The following DNAH12 variants were observed in gnomAD, a reference collection of about 807,000 sequenced individuals.
DNAH12 encodes the protein dynein axonemal heavy chain 12.
A neutral mutation model predicts 371.5 loss-of-function variants in DNAH12; 285 were observed. The observed-to-expected ratio is 0.77, with a 90% CI of 0.70 to 0.85. DNAH12 has a LOEUF of 0.85. Ranked by LOEUF, DNAH12 falls within the 40% of genes least tolerant of loss-of-function variation. The pLI, the probability that DNAH12 is intolerant of heterozygous loss-of-function variation, is 0.00. For missense variants in DNAH12, 3,611 were observed against 3,689.4 expected (o/e 0.98, Z 0.55); for synonymous variants, 1,200 against 1,213.0 (o/e 0.99, Z 0.22).
intron 62 of DNAH12, among the ~76,000 whole-genome samples, chr3:57,328,319 C>A (rs1328674165): frequency 6.6e-6 from 1 of 151,226 alleles, no homozygotes; most frequent in African/African-American, 2.4e-5. Context: ...CAATAAAATA[C>A]TGGCAAACTG....
intron 32 of DNAH12, among the ~76,000 whole-genome samples, chr3:57,430,663 GTAT>G (rs978371761): frequency 1.6e-4 from 24 of 151,954 alleles, no homozygotes; most frequent in African/African-American, 3.4e-4. Flanking sequence ...ACTTTTAATA[GTAT>G]TATTATTATT....
At chr3:57,526,373 A>C (rs1457203781) in intron 2 of DNAH12, among the ~76,000 whole-genome samples, 1 of 151,290 alleles carries the variant, frequency 6.6e-6, no homozygotes, top group Non-Finnish European at 1.5e-5. Context: ...ATATGTACCA[A>C]TTTTCTTTAT....
At chr3:57,459,167 A>G (rs946108327) in intron 20 of DNAH12, among the ~76,000 whole-genome samples, 5 of 152,230 alleles carry the variant, frequency 3.3e-5, no homozygotes, top group African/African-American at 9.6e-5. Context: ...TGGAGAGAAC[A>G]GCAGATTCTT....
At chr3:57,444,950 T>C (rs944666839) in intron 28 of DNAH12, 134 bp from the exon 29 acceptor site, 64 of 1,129,214 alleles carry the variant, frequency 5.7e-5, no homozygotes, top group Admixed American at 7.2e-5. Context: ...TACATTGCTC[T>C]CTGGAATCCC....
intron 13 of DNAH12, among the ~76,000 whole-genome samples, chr3:57,479,906 G>A (rs1163569115): frequency 2.0e-5 from 3 of 152,078 alleles, no homozygotes; most frequent in Admixed American, 2.0e-4. Flanking sequence ...GAATCTCTGG[G>A]ATACAGTCAA....
intron 49 of DNAH12, among the ~76,000 whole-genome samples, chr3:57,383,957 A>G (rs1391057263): frequency 6.6e-6 from 1 of 152,128 alleles, no homozygotes; most frequent in Non-Finnish European, 1.5e-5. Flanking sequence ...ATGCTGAATT[A>G]CCCACAGGTT....
rs528241900 is a variant in DNAH12, at chr3:57,482,671, C to A, written c.1650+705G>T. Among the ~76,000 whole-genome samples the A allele has an allele frequency of 7.6e-3, 1,161 of 152,036 alleles. 8 individuals carry two copies. The highest frequency in any genetic ancestry group is 0.011 in the Non-Finnish European group (779 of 67,970). ...ACAACAGCAAAGACTTGGAACCAAC[C>A]CAAATGTCCAACAATGATAGACTGG... is the stretch of plus-strand genomic sequence containing the variant. On this transcript the variant is annotated intron_variant, in intron 13 of 73. Transcript: ENST00000495027.
the DNAH12 span, among the ~76,000 whole-genome samples, chr3:57,552,844 C>T: frequency 6.6e-6 from 1 of 152,270 alleles, no homozygotes; most frequent in East Asian, 1.9e-4. Context: ...GTTGCCACTG[C>T]ACTCCAGCCT....
At chr3:57,415,902 C>T (rs1461431567) in intron 37 of DNAH12, among the ~76,000 whole-genome samples, 1 of 151,788 alleles carries the variant, frequency 6.6e-6, no homozygotes, top group Non-Finnish European at 1.5e-5. Context: ...AACCCCCCTG[C>T]CTCAGCCTCC....
Position 57,444,727 on chromosome 3 carries a change from A to C in DNAH12, c.4515T>G (p.Pro1505=). The change falls in exon 29 of 74, where the codon CCT becomes CCG. Residue 1505 remains proline (P), a synonymous_variant. Coordinates refer to ENST00000495027, the MANE Select transcript of DNAH12 (RefSeq NM_001366028.2). The part of the protein sequence containing the change: ...LFNGITSDLF[P]GIKLPEADYH... Reference sequence around the variant, plus strand: ...AGTCAGCTTCAGGAAGTTTAATACCAGGAAATAAGTCACTAGTTATTCCAT... The same window carrying C: ...AGTCAGCTTCAGGAAGTTTAATACCCGGAAATAAGTCACTAGTTATTCCAT... 1 of 1,550,244 alleles carries C rather than the reference A, an allele frequency of 6.5e-7. No homozygotes were observed. Among genetic ancestry groups the C allele is most frequent in the East Asian group, 2.4e-5 (1 of 40,850 alleles).
chr3:57,327,013 T>C (rs1363712261), intron 62 of DNAH12, among the ~76,000 whole-genome samples: 2 of 151,994 alleles, frequency 1.3e-5, no homozygotes, highest in Non-Finnish European at 2.9e-5. Context: ...GAGCTAACTA[T>C]CCTAAATATA....
chr3:57,499,858 A>G (rs1398050597), intron 11 of DNAH12, among the ~76,000 whole-genome samples: 1 of 149,660 alleles, frequency 6.7e-6, no homozygotes, highest in East Asian at 2.0e-4. Flanking sequence ...ACAAAACTCT[A>G]TATGTTTAAA....
intron 11 of DNAH12, chr3:57,498,050 C>T (rs778442251): frequency 7.2e-5 from 11 of 153,532 alleles, no homozygotes; most frequent in Non-Finnish European, 1.3e-4. Context: ...TAAAAAGATA[C>T]ACAGATGGAA....
Position 57,310,701 on chromosome 3 carries a change from T to A in DNAH12, c.10896+16A>T, listed in dbSNP as rs750918202. ...ATCACACATTAATCTAACCTTATTT[T>A]TGGTGACATCATTACCTTAATGAAT... On this transcript the variant is annotated intron_variant, in intron 67 of 73. Coordinates refer to ENST00000495027, the MANE Select transcript of DNAH12 (RefSeq NM_001366028.2). The A allele has an allele frequency of 2.0e-6, 3 of 1,508,682 alleles. No homozygotes were observed. Among genetic ancestry groups the A allele is most frequent in the Non-Finnish European group, 2.7e-6 (3 of 1,109,758 alleles). 93.5% of individuals were successfully genotyped at this position (1,508,682 alleles called of 1,614,324 possible).
intron 62 of DNAH12, among the ~76,000 whole-genome samples, chr3:57,332,303 C>T (rs1227351960): frequency 6.6e-6 from 1 of 152,158 alleles, no homozygotes; most frequent in African/African-American, 2.4e-5. Context: ...GATTTCTGTG[C>T]ATGTTTGAAC....
At position 57,468,979 on chromosome 3, in the gene DNAH12, C is replaced by T. The variant is rs1317165637; in HGVS notation, c.2106G>A (p.Arg702=). The T allele has an allele frequency of 1.2e-5, 18 of 1,511,190 alleles. No homozygotes were observed. The highest frequency in any genetic ancestry group is 5.1e-5 in the East Asian group (2 of 39,532). 93.6% of individuals were successfully genotyped at this position (1,511,190 alleles called of 1,614,324 possible). A position where few individuals can be genotyped will look rare whatever the true frequency, so the allele number is the denominator to read the frequency against. ...FVLKWQRSEK[R]WMDGGFLDLN... ...GGTCCAAAAACCCTCCATCCATCCA[C>T]CTGAATGGAAAGAAAAAATATTATT... Residue 702 remains arginine, a splice_region_variant and synonymous_variant, in exon 17 of 74, where the codon CGG becomes CGA. Coordinates refer to ENST00000495027, the MANE Select transcript of DNAH12 (RefSeq NM_001366028.2).
chr3:57,439,505 T>C (rs2065239292), intron 29 of DNAH12, among the ~76,000 whole-genome samples: 1 of 152,142 alleles, frequency 6.6e-6, no homozygotes, highest in Non-Finnish European at 1.5e-5. Context: ...ATAGAAGAAT[T>C]ATTGGACCCC....
intron 2 of DNAH12, among the ~76,000 whole-genome samples, chr3:57,531,426 G>T (rs1363473842): frequency 2.0e-5 from 3 of 152,010 alleles, no homozygotes; most frequent in Admixed American, 2.0e-4. Context: ...GTTGCTTTTA[G>T]GATCCTTTCT....
chr3:57,324,386 A>C (rs1466656798), intron 62 of DNAH12, among the ~76,000 whole-genome samples: 2 of 152,208 alleles, frequency 1.3e-5, no homozygotes, highest in African/African-American at 4.8e-5. Flanking sequence ...TTGTTATATA[A>C]ATCAGCCAAA....
Sources: gnomAD v4.1 joint callset for allele counts (sites outside exome capture counted in the v4.1 genomes callset) on GRCh38, gnomAD v4.1.1 for gene constraint, MANE v1.5 for transcripts, NCBI Gene and HGNC (gene_info 2026-07-23, HGNC 2026-07-21) for gene names.